Variants in HOTAIR observed in about 807,000 individuals in gnomAD.
HOTAIR encodes the protein HOX transcript antisense RNA, also known as HOX transcript antisense RNA (non-protein coding).
rs529341424 is a variant in HOTAIR at position 53,973,992 on chromosome 12, G to T, written n.59+906C>A. 15 of 1,345,306 alleles carry T rather than the reference G, an allele frequency of 1.1e-5. No homozygotes were observed. The highest frequency in any genetic ancestry group is 1.4e-5 in the Non-Finnish European group (14 of 1,020,830). The allele number at this position is 1,345,306 out of a possible 1,614,324, so 83.3% of individuals were successfully genotyped here. ...AGCGAGAGAGGGAGGGCGAGAGAAG[G>T]GGGGAGGCAAGGGGAGCGGGGACGG... On this transcript the variant is annotated intron_variant and non_coding_transcript_variant, in intron 1 of 6. Transcript: ENST00000424518. This position sits in a 1 kb window ranked among gnomAD's most constrained non-coding sequence, Gnocchi z 4.3.
intron 3 of HOTAIR, chr12:53,966,601 G>C (rs1460332878): frequency 6.6e-5 from 10 of 152,310 alleles, no homozygotes; most frequent in African/African-American, 2.4e-4. Flanking sequence ...CGACAGAAGC[G>C]TTTTACCCGG....
At chr12:53,970,095 G>A (rs541790562) in intron 1 of HOTAIR, among the ~76,000 whole-genome samples, 7 of 152,392 alleles carry the variant, frequency 4.6e-5, no homozygotes, top group Admixed American at 2.0e-4. Context: ...GACCGCAGCC[G>A]CCTGCTAGCA....
exon 7 of HOTAIR, chr12:53,964,112 A>T (rs1009500773): frequency 6.6e-6 from 1 of 151,976 alleles, no homozygotes; most frequent in African/African-American, 2.4e-5. Flanking sequence ...GTACTGGCTT[A>T]GGCCCCAACG....
chr12:53,973,191 C>T lies in HOTAIR; in HGVS notation n.59+1707G>A. ...CTCGCCTTCCCAAATTTTCCCCCCT[C>T]GCTAGACCGGGTCCAAAACCTCCAT... On this transcript the variant is annotated intron_variant and non_coding_transcript_variant, in intron 1 of 6. Transcript: ENST00000424518. This position sits in a 1 kb window ranked among gnomAD's most constrained non-coding sequence, Gnocchi z 4.3. 6.8e-7 allele frequency: 1 copy of T among 1,468,898 alleles called. No individual in the cohort carries two copies. Among genetic ancestry groups the T allele is most frequent in the Non-Finnish European group, 9.1e-7 (1 of 1,098,008 alleles). 91.0% of individuals were successfully genotyped at this position (1,468,898 alleles called of 1,614,324 possible).
At chr12:53,974,346 C>A (rs1431391705) in intron 1 of HOTAIR, among the ~76,000 whole-genome samples, 1 of 128,570 alleles carries the variant, frequency 7.8e-6, no homozygotes, top group African/African-American at 3.0e-5. Flanking sequence ...AAGGGGAGGG[C>A]GAGGGAAAGA....
chr12:53,965,308 C>A (rs1004719093), intron 5 of HOTAIR, among the ~76,000 whole-genome samples: 1 of 152,244 alleles, frequency 6.6e-6, no homozygotes. Flanking sequence ...CAGCCTGAGG[C>A]TTTGCTCTCA....
Position 53,973,260 on chromosome 12 carries a change from C to T in HOTAIR, n.59+1638G>A, listed in dbSNP as rs1208584187. 7 of 1,608,466 alleles carry T rather than the reference C, an allele frequency of 4.4e-6. No individual in the cohort carries two copies. In the East Asian group the frequency reaches 6.7e-5, roughly 15 times the overall value. On this transcript the variant is annotated intron_variant and non_coding_transcript_variant, in intron 1 of 6. Transcript: ENST00000424518. This position sits in a 1 kb window ranked among gnomAD's most constrained non-coding sequence, Gnocchi z 4.3. The stretch of plus-strand genomic sequence containing the variant: ...GAGAACGATGTTTAACTCGGTCAAC[C>T]TGGGCAACTTCTGCTCTCCGTCGCG...
intron 5 of HOTAIR, among the ~76,000 whole-genome samples, chr12:53,965,469 C>T (rs1411875438): frequency 1.3e-5 from 2 of 152,260 alleles, no homozygotes; most frequent in African/African-American, 4.8e-5. Context: ...TTCCCCCTCT[C>T]CCCCAGGAAC....
At chr12:53,970,160 G>T (rs141766548) in intron 1 of HOTAIR, among the ~76,000 whole-genome samples, 1 of 152,232 alleles carries the variant, frequency 6.6e-6, no homozygotes, top group Non-Finnish European at 1.5e-5. Flanking sequence ...GGGGAGGGCC[G>T]GATGGCCCTG....
chr12:53,974,875 G>T (rs999970358), intron 1 of HOTAIR: 2 of 304,994 alleles, frequency 6.6e-6, no homozygotes, highest in African/African-American at 2.2e-5. Flanking sequence ...GCAGACAGGG[G>T]GCCCGAGGGG....
chr12:53,970,335 T>G lies in HOTAIR; in HGVS notation n.60-1579A>C, dbSNP rs187364206. On this transcript the variant is annotated intron_variant and non_coding_transcript_variant, in intron 1 of 6. Transcript: ENST00000424518. ...GGAGGTATTGATGCTGTGGCCAGAATCCACAGGCTGAGAGGGTGCAGCCTA... is the reference window on the plus strand; with the variant it reads ...GGAGGTATTGATGCTGTGGCCAGAAGCCACAGGCTGAGAGGGTGCAGCCTA... Among the ~76,000 whole-genome samples the G allele has an allele frequency of 3.2e-3, 493 of 152,258 alleles. 1 individual carries two copies. The highest frequency in any genetic ancestry group is 0.011 in the African/African-American group (477 of 41,560).
In HOTAIR at chr12:53,973,425, C is replaced by T. The variant is rs1939184554; in HGVS notation, n.59+1473G>A. 7 of 1,614,100 alleles carry T rather than the reference C, an allele frequency of 4.3e-6. No homozygotes were observed. The African/African-American group carries it at 5.3e-5, about 12-fold the overall frequency. ...GGCCCCCTCTCGTCAGATCTCCTAT[C>T]CCTACTCGGCCCAAGTGCCCCCGGT... On this transcript the variant is annotated intron_variant and non_coding_transcript_variant, in intron 1 of 6. Coordinates refer to ENST00000424518, the Ensembl canonical transcript of HOTAIR. The surrounding 1 kb of genome is among the most constrained non-coding windows in gnomAD (Gnocchi z 4.3).
intron 2 of HOTAIR, chr12:53,967,971 G>A (rs1939085521): frequency 6.6e-6 from 1 of 152,158 alleles, no homozygotes; most frequent in South Asian, 2.1e-4. Flanking sequence ...ACCATTTCCT[G>A]AGAGAAGCCA....
Position 53,973,990 on chromosome 12 carries a change from AG to A in HOTAIR, n.59+907del, listed in dbSNP as rs1379222549. 1.5e-6 allele frequency: 2 copies of A among 1,339,048 alleles called. No individual in the cohort carries two copies. Among genetic ancestry groups the A allele is most frequent in the Admixed American group, 3.1e-5 (1 of 32,660 alleles). The allele number at this position is 1,339,048 out of a possible 1,614,324, so 82.9% of individuals were successfully genotyped here. On this transcript the variant is annotated intron_variant and non_coding_transcript_variant, in intron 1 of 6. Transcript: ENST00000424518. This position sits in a 1 kb window ranked among gnomAD's most constrained non-coding sequence, Gnocchi z 4.3. ...GGAGCGAGAGAGGGAGGGCGAGAGAAGGGGGGAGGCAAGGGGAGCGGGGACG... is the reference window on the plus strand; with the variant it reads ...GGAGCGAGAGAGGGAGGGCGAGAGAAGGGGGAGGCAAGGGGAGCGGGGACG...
chr12:53,963,640 G>A (rs1471493830), exon 7 of HOTAIR: 1 of 152,406 alleles, frequency 6.6e-6, no homozygotes, highest in East Asian at 1.9e-4. Flanking sequence ...AGATAGAGGT[G>A]CTTGGCCAGC....
At chr12:53,972,102 A>G (rs927611301) in intron 1 of HOTAIR, among the ~76,000 whole-genome samples, 4 of 152,118 alleles carry the variant, frequency 2.6e-5, no homozygotes, top group Non-Finnish European at 5.9e-5. Flanking sequence ...CAGTCCTCAA[A>G]ATCATCCAAG....
At chr12:53,974,022 G>C (rs943780744) in intron 1 of HOTAIR, 5 of 1,024,622 alleles carry the variant, frequency 4.9e-6, no homozygotes, top group Non-Finnish European at 6.8e-6. Flanking sequence ...GGACGGCCTC[G>C]TGTTTTGGGT....
chr12:53,963,625 G>C (rs1938995459), exon 7 of HOTAIR: 1 of 152,312 alleles, frequency 6.6e-6, no homozygotes, highest in South Asian at 2.1e-4. Context: ...GAGCGGGCGC[G>C]GCTGAGATAG....
Position 53,973,814 on chromosome 12 carries a change from C to G in HOTAIR, n.59+1084G>C, listed in dbSNP as rs779319270. 4 of 1,555,896 alleles carry G rather than the reference C, an allele frequency of 2.6e-6. No homozygotes were observed. In the South Asian group the frequency reaches 3.6e-5, roughly 14 times the overall value. ...CACCCCCGGCCTCGGGACTGGCGTC[C>G]CGGGCTGAGGCGGGTGCCGAGGCGG... is the stretch of plus-strand genomic sequence containing the variant. On this transcript the variant is annotated intron_variant and non_coding_transcript_variant, in intron 1 of 6. Coordinates refer to ENST00000424518, the Ensembl canonical transcript of HOTAIR. This position sits in a 1 kb window ranked among gnomAD's most constrained non-coding sequence, Gnocchi z 4.3.
Sources: gnomAD v4.1 joint callset for allele counts (sites outside exome capture counted in the v4.1 genomes callset) on GRCh38, gnomAD v4.1.1 for gene constraint, Gnocchi (gnomAD v3.1) non-coding constraint, MANE v1.5 for transcripts, NCBI Gene and HGNC (gene_info 2026-07-23, HGNC 2026-07-21) for gene names.